Variants in DIP2B observed in about 807,000 individuals in gnomAD.
DIP2B encodes the protein DIP2 acetate--CoA ligase B (putative), also known as disco-interacting protein 2 homolog B.
Under a neutral mutation model 198.0 loss-of-function variants are expected in DIP2B, and 76 were observed. The observed-to-expected ratio is 0.38, with a 90% CI of 0.32 to 0.46. The LOEUF (loss-of-function observed/expected upper bound fraction) is 0.46, where lower values mean the gene tolerates loss of function less well. Ranked by LOEUF, DIP2B falls within the 20% of genes least tolerant of loss-of-function variation. The pLI, the probability that DIP2B is intolerant of heterozygous loss-of-function variation, is 0.99. For missense variants in DIP2B, 1,559 were observed against 1,978.4 expected (o/e 0.79, Z 4.02); for synonymous variants, 701 against 739.1 (o/e 0.95, Z 0.84).
intron 1 of DIP2B, among the ~76,000 whole-genome samples, chr12:50,602,285 T>C (rs1359680666): frequency 6.6e-6 from 1 of 152,192 alleles, no homozygotes; most frequent in African/African-American, 2.4e-5. Context: ...TAATTTTTTT[T>C]TGAGACAGTG....
chr12:50,726,164 TATGGTG>T (rs1423561266), intron 28 of DIP2B, among the ~76,000 whole-genome samples: 1 of 152,178 alleles, frequency 6.6e-6, no homozygotes, highest in Admixed American at 6.5e-5. Context: ...TGCCCCATGT[TATGGTG>T]ATTTAAAACT....
At chr12:50,627,676 GC>G (rs1285532852) in intron 2 of DIP2B, among the ~76,000 whole-genome samples, 7 of 152,232 alleles carry the variant, frequency 4.6e-5, no homozygotes, top group Non-Finnish European at 7.3e-5. Flanking sequence ...CCATGGGCAA[GC>G]CTATAATGGG....
At position 50,616,790 on chromosome 12, in the gene DIP2B, G is replaced by C. The variant is rs1043377057; in HGVS notation, c.101-9186G>C. Among the ~76,000 whole-genome samples the C allele has an allele frequency of 3.3e-5, 5 of 152,260 alleles. No homozygotes were observed. The Middle Eastern group carries it at 0.014, about 414-fold the overall frequency. On this transcript the variant is annotated intron_variant, in intron 1 of 37. Transcript: ENST00000301180. The stretch of plus-strand genomic sequence containing the variant: ...GCTGCTATATATATTGCATTGGATG[G>C]AATTATCATTATGAAGAGAACATGA...
chr12:50,712,429 C>T (rs1045464330), intron 22 of DIP2B, among the ~76,000 whole-genome samples: 3 of 151,456 alleles, frequency 2.0e-5, no homozygotes, highest in African/African-American at 7.3e-5. Flanking sequence ...CGTGGTAAAA[C>T]CCTGTCTCTA....
At chr12:50,576,473 G>GC (rs1267657241) in intron 1 of DIP2B, among the ~76,000 whole-genome samples, 1 of 149,496 alleles carries the variant, frequency 6.7e-6, no homozygotes, top group Non-Finnish European at 1.5e-5. Flanking sequence ...CGGTCTGACC[G>GC]CCCCCCACCT....
In DIP2B at chr12:50,505,068, T is replaced by C; in HGVS notation, c.-73T>C. On this transcript the variant is annotated 5_prime_UTR_variant, in exon 1 of 38. Coordinates refer to ENST00000301180, the MANE Select transcript of DIP2B (RefSeq NM_173602.3). ...GCCGGAGCCGGATCCTGTAGCCGGG[T>C]GTGGGCCCGTGTCTGTCCGTCCCTC... 7.2e-7 allele frequency: 1 copy of C among 1,383,250 alleles called. No homozygotes were observed. The highest frequency in any genetic ancestry group is 9.8e-7 in the Non-Finnish European group (1 of 1,021,062). The allele number at this position is 1,383,250 out of a possible 1,614,324, so 85.7% of individuals were successfully genotyped here.
intron 4 of DIP2B, among the ~76,000 whole-genome samples, chr12:50,662,712 A>G (rs1938673857): frequency 2.6e-5 from 4 of 152,210 alleles, no homozygotes; most frequent in Admixed American, 2.0e-4. Context: ...ACTGAAGCTT[A>G]GAAGATGCCG....
intron 2 of DIP2B, among the ~76,000 whole-genome samples, chr12:50,635,072 T>C (rs543428929): frequency 2.0e-5 from 3 of 152,366 alleles, no homozygotes; most frequent in African/African-American, 7.2e-5. Context: ...TCTTTAATTT[T>C]TAAATGAAGT....
intron 35 of DIP2B, among the ~76,000 whole-genome samples, chr12:50,739,030 G>A (rs913105198): frequency 2.0e-5 from 3 of 152,206 alleles, no homozygotes; most frequent in South Asian, 2.1e-4. Context: ...TGATGTGTTC[G>A]TGGGACTCTG....
chr12:50,690,187 C>T (rs1297689952), intron 12 of DIP2B, among the ~76,000 whole-genome samples: 3 of 151,502 alleles, frequency 2.0e-5, no homozygotes, highest in Non-Finnish European at 2.9e-5. Flanking sequence ...CCCAGGTTCA[C>T]GCCATTCTCC....
At chr12:50,576,699 T>C (rs1340563461) in intron 1 of DIP2B, among the ~76,000 whole-genome samples, 1 of 151,880 alleles carries the variant, frequency 6.6e-6, no homozygotes, top group Non-Finnish European at 1.5e-5. Flanking sequence ...GCCAGGATGG[T>C]CTCGATCTCT....
At chr12:50,536,149 C>T (rs1222235393) in intron 1 of DIP2B, among the ~76,000 whole-genome samples, 1 of 151,862 alleles carries the variant, frequency 6.6e-6, no homozygotes, top group Non-Finnish European at 1.5e-5. Context: ...AATAGTGCCG[C>T]GATAAACATA....
chr12:50,657,223 C>CAAAAAAAAA, intron 3 of DIP2B: 1 of 107,048 alleles, frequency 9.3e-6, no homozygotes, highest in Non-Finnish European at 1.9e-5. Context: ...TCTCTATTTA[C>CAAAAAAAAA]AAAAAAAAAA....
chr12:50,675,008 C>G (rs1225449998), intron 6 of DIP2B, among the ~76,000 whole-genome samples: 1 of 152,114 alleles, frequency 6.6e-6, no homozygotes, highest in African/African-American at 2.4e-5. Flanking sequence ...ACTAAAAATA[C>G]AAAAAATTAG....
intron 1 of DIP2B, among the ~76,000 whole-genome samples, chr12:50,598,014 T>C (rs1958892950): frequency 6.6e-6 from 1 of 152,158 alleles, no homozygotes; most frequent in Non-Finnish European, 1.5e-5. Flanking sequence ...TCAGGTTGGG[T>C]CCAGAGCAGC....
At chr12:50,578,760 G>A (rs1029994865) in intron 1 of DIP2B, among the ~76,000 whole-genome samples, 3 of 151,932 alleles carry the variant, frequency 2.0e-5, no homozygotes, top group African/African-American at 7.3e-5. Flanking sequence ...TGCCCGCCTC[G>A]GCCTCCCAAA....
intron 1 of DIP2B, among the ~76,000 whole-genome samples, chr12:50,547,001 C>T (rs1484802435): frequency 6.6e-6 from 1 of 152,134 alleles, no homozygotes; most frequent in African/African-American, 2.4e-5. Flanking sequence ...CTCGGAGGTT[C>T]GGTTCACCTT....
chr12:50,596,917 A>T (rs539717301), intron 1 of DIP2B, among the ~76,000 whole-genome samples: 1 of 152,342 alleles, frequency 6.6e-6, no homozygotes, highest in African/African-American at 2.4e-5. Context: ...TGAAAGAATC[A>T]TTAGTATTTA....
chr12:50,524,785 T>C (rs975115314), intron 1 of DIP2B, among the ~76,000 whole-genome samples: 3 of 152,006 alleles, frequency 2.0e-5, no homozygotes, highest in African/African-American at 7.3e-5. Flanking sequence ...TGGAGTGTAG[T>C]GGTGTGATCA....
Sources: gnomAD v4.1 joint callset for allele counts (sites outside exome capture counted in the v4.1 genomes callset) on GRCh38, gnomAD v4.1.1 for gene constraint, MANE v1.5 for transcripts, NCBI Gene and HGNC (gene_info 2026-07-23, HGNC 2026-07-21) for gene names.